RSRC1: variants seen among roughly 807,000 people sequenced by gnomAD.
The protein encoded by RSRC1 is serine/Arginine-related protein 53.
In RSRC1, 39 loss-of-function variants were observed where a neutral mutation model predicts 49.1. The observed-to-expected ratio is 0.79, with a 90% CI of 0.61 to 1.04. The LOEUF is 1.04. RSRC1 is among the 50% of genes least tolerant of loss of function. The pLI is 0.00. For synonymous variants in RSRC1, 143 were observed against 130.8 expected (o/e 1.09, Z -0.63); for missense variants, 388 against 402.4 (o/e 0.96, Z 0.31).
chr3:158,527,333 C>T (rs1452323472), intron 7 of RSRC1, among the ~76,000 whole-genome samples: 1 of 151,850 alleles, frequency 6.6e-6, no homozygotes, highest in African/African-American at 2.4e-5. Flanking sequence ...GAGGCAAAGA[C>T]ATTAATGGGA....
chr3:158,117,499 C>G (rs1327740498), intron 1 of RSRC1, among the ~76,000 whole-genome samples: 1 of 97,430 alleles, frequency 1.0e-5, no homozygotes, highest in African/African-American at 5.5e-5. Context: ...CCATGTTGCC[C>G]AGGCTGGTCT....
At chr3:158,342,846 A>G (rs962144486) in intron 5 of RSRC1, among the ~76,000 whole-genome samples, 1 of 151,268 alleles carries the variant, frequency 6.6e-6, no homozygotes, top group African/African-American at 2.5e-5. Flanking sequence ...AGAGATGGGG[A>G]AAAAAATGAG....
chr3:158,114,658 T>C (rs1714670211), intron 1 of RSRC1, among the ~76,000 whole-genome samples: 1 of 152,214 alleles, frequency 6.6e-6, no homozygotes, highest in Non-Finnish European at 1.5e-5. Flanking sequence ...CACTTGTTTG[T>C]GTCCTCTCTG....
intron 4 of RSRC1, 118 bp from the exon 5 acceptor site, chr3:158,297,921 G>C (rs1216207930): frequency 4.1e-6 from 3 of 729,006 alleles, no homozygotes; most frequent in Admixed American, 4.8e-5. Flanking sequence ...ACAGTGTTAT[G>C]AACATAAGTA....
chr3:158,463,754 C>T (rs1210396285), intron 7 of RSRC1, among the ~76,000 whole-genome samples: 2 of 152,056 alleles, frequency 1.3e-5, no homozygotes, highest in Non-Finnish European at 2.9e-5. Context: ...AGTATTGCAT[C>T]CAAAATAAAA....
chr3:158,488,682 A>G (rs375344819), intron 7 of RSRC1, among the ~76,000 whole-genome samples: 4 of 152,310 alleles, frequency 2.6e-5, no homozygotes. Context: ...TTTCTTTTTG[A>G]CAGGTGAAAG....
intron 3 of RSRC1, among the ~76,000 whole-genome samples, chr3:158,147,166 A>G (rs944270676): frequency 6.0e-5 from 4 of 66,270 alleles, no homozygotes; most frequent in Non-Finnish European, 1.2e-4. Flanking sequence ...ACACTGTGTT[A>G]TTTTACAAAT....
At chr3:158,439,127 C>T (rs1470709863) in intron 6 of RSRC1, among the ~76,000 whole-genome samples, 2 of 152,118 alleles carry the variant, frequency 1.3e-5, no homozygotes. Context: ...CCATCTCACA[C>T]CAGTTAGAAT....
At chr3:158,166,906 G>A (rs1408652319) in intron 3 of RSRC1, among the ~76,000 whole-genome samples, 4 of 152,138 alleles carry the variant, frequency 2.6e-5, no homozygotes, top group African/African-American at 7.2e-5. Context: ...ATAAGTACCC[G>A]AACTTCTACA....
intron 4 of RSRC1, among the ~76,000 whole-genome samples, chr3:158,238,234 A>G (rs1240145012): frequency 6.6e-6 from 1 of 152,206 alleles, no homozygotes; most frequent in African/African-American, 2.4e-5. Context: ...AAACAAATGA[A>G]AGAACATTCC....
At chr3:158,265,783 A>G (rs1490040403) in intron 4 of RSRC1, among the ~76,000 whole-genome samples, 3 of 152,228 alleles carry the variant, frequency 2.0e-5, no homozygotes, top group African/African-American at 7.2e-5. Context: ...AATGTTTGCT[A>G]AAACCTGTCT....
chr3:158,122,331 G>T (rs1715313759), intron 2 of RSRC1, 33 bp downstream of exon 2: 2 of 1,377,260 alleles, frequency 1.5e-6, no homozygotes, highest in Non-Finnish European at 2.0e-6. Flanking sequence ...ATATAGTAAT[G>T]AGGATAACAT....
intron 5 of RSRC1, among the ~76,000 whole-genome samples, chr3:158,352,171 C>G (rs1016724411): frequency 2.6e-5 from 4 of 151,850 alleles, no homozygotes; most frequent in Non-Finnish European, 4.4e-5. Flanking sequence ...ACTCAGGGAG[C>G]TGAGGCAGGA....
At chr3:158,496,310 A>C (rs1205836617) in intron 7 of RSRC1, among the ~76,000 whole-genome samples, 1 of 152,170 alleles carries the variant, frequency 6.6e-6, no homozygotes. Flanking sequence ...GTGTGCCTCA[A>C]AATCACCTGG....
chr3:158,433,512 G>T (rs967264774), intron 6 of RSRC1, among the ~76,000 whole-genome samples: 12 of 151,900 alleles, frequency 7.9e-5, no homozygotes, highest in Non-Finnish European at 1.2e-4. Context: ...GGCTGCTCTT[G>T]GCCAAAGGCT....
chr3:158,112,915 G>A (rs954280608), intron 1 of RSRC1, among the ~76,000 whole-genome samples: 8 of 152,006 alleles, frequency 5.3e-5, no homozygotes, highest in Admixed American at 4.6e-4. Flanking sequence ...CTCTTCCTGC[G>A]TTAGTTTGAT....
intron 6 of RSRC1, 71 bp from the exon 7 acceptor site, chr3:158,460,864 C>A: frequency 1.1e-6 from 1 of 945,126 alleles, no homozygotes; most frequent in Admixed American, 2.9e-5. Context: ...ATTTCTAGTC[C>A]CTTTAACCAA....
At chr3:158,477,801 TATATATA>T (rs1560059562) in intron 7 of RSRC1, among the ~76,000 whole-genome samples, 3,348 of 80,626 alleles carry the variant, frequency 0.042, 358 homozygotes, top group African/African-American at 0.076. Flanking sequence ...GAGGGATTTA[TATATATA>T]TATATATATA....
At chr3:158,528,558 G>A (rs1576609698) in intron 7 of RSRC1, among the ~76,000 whole-genome samples, 1 of 151,882 alleles carries the variant, frequency 6.6e-6, no homozygotes, top group African/African-American at 2.4e-5. Flanking sequence ...TGGTTATGGG[G>A]TGTTTAGAGA....
Sources: gnomAD v4.1 joint callset for allele counts (sites outside exome capture counted in the v4.1 genomes callset) on GRCh38, gnomAD v4.1.1 for gene constraint, MANE v1.5 for transcripts, NCBI Gene and HGNC (gene_info 2026-07-23, HGNC 2026-07-21) for gene names.